The following UBXN10 variants were observed in gnomAD, a reference collection of about 807,000 sequenced individuals.
UBXN10 encodes the protein UBX domain protein 10.
Under a neutral mutation model 6.9 loss-of-function variants are expected in UBXN10, and 6 were observed. That is an observed-to-expected ratio of 0.87 (90% CI 0.48 to 1.72). The LOEUF (loss-of-function observed/expected upper bound fraction) is 1.72. Among genes scored for constraint, UBXN10 ranks in the 40% most tolerant of loss-of-function variants. The pLI is 0.01. For synonymous variants in UBXN10, 131 were observed against 135.2 expected (o/e 0.97, Z 0.21); for missense variants, 317 against 348.4 (o/e 0.91, Z 0.72).
Position 20,194,764 on chromosome 1 carries a change from T to A in UBXN10, c.*3360T>A, listed in dbSNP as rs2018573020. 6.0e-6 allele frequency: 1 copy of A among 167,146 alleles called. No individual in the cohort carries two copies. Among genetic ancestry groups the A allele is most frequent in the Non-Finnish European group, 1.5e-5 (1 of 68,128 alleles). 10.4% of individuals were successfully genotyped at this position (167,146 alleles called of 1,614,324 possible). ...CATAATAAGTTCGGATAAAAGAGACTTTTACATGGTAAGAGGATCTACTTT... is the reference window on the plus strand; with the variant it reads ...CATAATAAGTTCGGATAAAAGAGACATTTACATGGTAAGAGGATCTACTTT... On this transcript the variant is annotated 3_prime_UTR_variant, in exon 2 of 2. Transcript: ENST00000375099.
At chr1:20,185,340 T>C (rs142746331), upstream of UBXN10, among the ~76,000 whole-genome samples, 27 of 151,550 alleles carry the variant, frequency 1.8e-4, no homozygotes, top group East Asian at 4.5e-3. Context: ...GGAAGGAGAG[T>C]AGGACTCGGG....
In UBXN10 at chr1:20,193,045, C is replaced by A. The variant is rs562231584; in HGVS notation, c.*1641C>A. 6 of 167,256 alleles carry A rather than the reference C, an allele frequency of 3.6e-5. No homozygotes were observed. Among genetic ancestry groups the A allele is most frequent in the African/African-American group, 1.4e-4 (6 of 41,596 alleles). The allele number at this position is 167,256 out of a possible 1,614,324, so 10.4% of individuals were successfully genotyped here. A position where few individuals can be genotyped will look rare whatever the true frequency, so the allele number is the denominator to read the frequency against. ...AGGTCAGCTGGGGCCAGTGGTGCCT[C>A]AGGCAGGCCCACACAACTGGCCACC... On this transcript the variant is annotated 3_prime_UTR_variant, in exon 2 of 2. Transcript: ENST00000375099.
chr1:20,185,753 G>A (rs2018362612), upstream of UBXN10, among the ~76,000 whole-genome samples: 1 of 152,166 alleles, frequency 6.6e-6, no homozygotes, highest in Admixed American at 6.5e-5. Flanking sequence ...GAGGGTCAGG[G>A]CCTGACCCAA....
rs138790276 is a variant in UBXN10 at position 20,191,772 on chromosome 1, A to G, written c.*368A>G. On this transcript the variant is annotated 3_prime_UTR_variant, in exon 2 of 2. Coordinates refer to ENST00000375099, the MANE Select transcript of UBXN10 (RefSeq NM_152376.5). This position sits in a 1 kb window ranked among gnomAD's most constrained non-coding sequence, Gnocchi z 4.5. Reference sequence around the variant, plus strand: ...GTGAACTGTGATTCTCTCGAAGCCAATGCTTTCCTGTCTGTATTTGATGCA... The same window carrying G: ...GTGAACTGTGATTCTCTCGAAGCCAGTGCTTTCCTGTCTGTATTTGATGCA... The G allele has an allele frequency of 1.6e-4, 35 of 224,580 alleles. 2 individuals carry two copies. The highest frequency in any genetic ancestry group is 7.8e-4 in the African/African-American group (34 of 43,668). 13.9% of individuals were successfully genotyped at this position (224,580 alleles called of 1,614,324 possible).
At chr1:20,188,414 A>G (rs1271073191) in intron 1 of UBXN10, among the ~76,000 whole-genome samples, 1 of 152,186 alleles carries the variant, frequency 6.6e-6, no homozygotes, top group Non-Finnish European at 1.5e-5. Flanking sequence ...CATCAGGAAG[A>G]TATAGGGATA....
At position 20,191,449 on chromosome 1, in the gene UBXN10, G is replaced by A. The variant is rs1475588965; in HGVS notation, c.*45G>A. 8.3e-6 allele frequency: 13 copies of A among 1,564,436 alleles called. No individual in the cohort carries two copies. In the African/African-American group the frequency reaches 1.1e-4, roughly 13 times the overall value. ...AGGTCCTGGGTCTCTGAGCAAAGGA[G>A]CATGCTTGGGCGTTGTGGCCTCTTA... On this transcript the variant is annotated 3_prime_UTR_variant, in exon 2 of 2. Transcript: ENST00000375099. This position sits in a 1 kb window ranked among gnomAD's most constrained non-coding sequence, Gnocchi z 4.5.
rs200119494 is a variant in UBXN10, at chr1:20,191,152, A to T, written c.591A>T (p.Pro197=). 6.8e-6 allele frequency: 11 copies of T among 1,614,194 alleles called. No homozygotes were observed. The highest frequency in any genetic ancestry group is 8.5e-7 in the Non-Finnish European group (1 of 1,180,040). The change falls in exon 2 of 2, where the codon CCA becomes CCT. Residue 197 remains proline (P), a synonymous_variant. Transcript: ENST00000375099. The surrounding 1 kb of genome is among the most constrained non-coding windows in gnomAD (Gnocchi z 4.5). The part of the protein sequence containing the change: ...GNLEEPSDQE[P]RLLLAVRSPT... ...TGGAGGAACCATCGGACCAAGAACCAAGGTTGCTGCTTGCTGTTAGATCAC... is the reference window on the plus strand; with the variant it reads ...TGGAGGAACCATCGGACCAAGAACCTAGGTTGCTGCTTGCTGTTAGATCAC...
chr1:20,195,271 C>G lies in UBXN10; in HGVS notation c.*3867C>G, dbSNP rs888783527. 4.2e-5 allele frequency: 7 copies of G among 167,144 alleles called. No homozygotes were observed. The highest frequency in any genetic ancestry group is 1.7e-4 in the African/African-American group (7 of 41,444). The allele number at this position is 167,144 out of a possible 1,614,324, so 10.4% of individuals were successfully genotyped here. A position where few individuals can be genotyped will look rare whatever the true frequency, so the allele number is the denominator to read the frequency against. On this transcript the variant is annotated 3_prime_UTR_variant, in exon 2 of 2. Coordinates refer to ENST00000375099, the MANE Select transcript of UBXN10 (RefSeq NM_152376.5). ...GAGGTATTTTTGGACACACTTAAAT[C>G]CTATCCCAAGAGACTGAACGACTGT...
At chr1:20,184,688 G>GC (rs2018336243), upstream of UBXN10, 1 of 152,500 alleles carries the variant, frequency 6.6e-6, no homozygotes, top group Non-Finnish European at 1.5e-5. Context: ...GTGTAGGCAG[G>GC]CAAGTTTGCA....
At position 20,193,755 on chromosome 1, in the gene UBXN10, C is replaced by T. The variant is rs1011071841; in HGVS notation, c.*2351C>T. 1.2e-5 allele frequency: 2 copies of T among 167,190 alleles called. No individual in the cohort carries two copies. Among genetic ancestry groups the T allele is most frequent in the South Asian group, 2.1e-4 (1 of 4,826 alleles). 10.4% of individuals were successfully genotyped at this position (167,190 alleles called of 1,614,324 possible). ...TGGATAAGAGTCACCTGAATTTTTC[C>T]TAAACATCATTCCAAGTACTCTGAT... On this transcript the variant is annotated 3_prime_UTR_variant, in exon 2 of 2. Coordinates refer to ENST00000375099, the MANE Select transcript of UBXN10 (RefSeq NM_152376.5).
chr1:20,189,232 C>T (rs902535606), intron 1 of UBXN10, among the ~76,000 whole-genome samples: 1 of 151,860 alleles, frequency 6.6e-6, no homozygotes, highest in Admixed American at 6.6e-5. Flanking sequence ...TGGAAAGTCA[C>T]CAGAAGGTCT....
chr1:20,191,342 T>A lies in UBXN10; in HGVS notation c.781T>A (p.Cys261Ser). Residue 261 changes from cysteine (C) to serine (S), a missense_variant, in exon 2 of 2, where the codon TGC (cysteine) becomes AGC (serine). Coordinates refer to ENST00000375099, the MANE Select transcript of UBXN10 (RefSeq NM_152376.5). The surrounding 1 kb of genome is among the most constrained non-coding windows in gnomAD (Gnocchi z 4.5). ...TGACCTCACCAAATCTCTGCAAGAGTGCAGAATCCCCCACAAGTCTGTGCT... is the reference window on the plus strand; with the variant it reads ...TGACCTCACCAAATCTCTGCAAGAGAGCAGAATCCCCCACAAGTCTGTGCT... ...FSDLTKSLQE[C>S]RIPHKSVLGI... 1 of 1,614,014 alleles carries A rather than the reference T, an allele frequency of 6.2e-7. No homozygotes were observed. The highest frequency in any genetic ancestry group is 8.5e-7 in the Non-Finnish European group (1 of 1,179,986).
At position 20,190,624 on chromosome 1, in the gene UBXN10, A is replaced by AGTT. The variant is rs1557793575; in HGVS notation, c.65_67dup (p.Val22dup). 2 of 1,614,154 alleles carry AGTT rather than the reference A, an allele frequency of 1.2e-6. No homozygotes were observed. Among genetic ancestry groups the AGTT allele is most frequent in the Non-Finnish European group, 1.7e-6 (2 of 1,180,026 alleles). ...AGTGTAGCACTGTTGTCAGCACAGC[A>AGTT]GTTGACAGCCTCATTTGGCAGCCAA... On this transcript the variant is annotated inframe_insertion, in exon 2 of 2. Coordinates refer to ENST00000375099, the MANE Select transcript of UBXN10 (RefSeq NM_152376.5).
Position 20,191,356 on chromosome 1 carries a change from C to A in UBXN10, c.795C>A (p.His265Gln). 6.2e-7 allele frequency: 1 copy of A among 1,613,960 alleles called. No homozygotes were observed. The highest frequency in any genetic ancestry group is 1.6e-4 in the Middle Eastern group (1 of 6,062). ...TKSLQECRIP[H>Q]KSVLGISLED... The stretch of plus-strand genomic sequence containing the variant: ...CTCTGCAAGAGTGCAGAATCCCCCA[C>A]AAGTCTGTGCTGGGCATCTCACTGG... Residue 265 changes from histidine to glutamine, a missense_variant, in exon 2 of 2, where the codon CAC becomes CAA. His to Gln is a conservative substitution (Grantham distance 24). Coordinates refer to ENST00000375099, the MANE Select transcript of UBXN10 (RefSeq NM_152376.5). The surrounding 1 kb of genome is among the most constrained non-coding windows in gnomAD (Gnocchi z 4.5).
chr1:20,186,582 T>C (rs1246034284), intron 1 of UBXN10: 2 of 152,164 alleles, frequency 1.3e-5, no homozygotes, highest in Non-Finnish European at 2.9e-5. Context: ...ACGCTCTTTC[T>C]CGCCCCTCCC....
chr1:20,191,619 C>G lies in UBXN10; in HGVS notation c.*215C>G. ...CTCCCTTCCAGCTGTTCCATTCTCT[C>G]CACCACCAGCGTAACTGGCAAGTTA... On this transcript the variant is annotated 3_prime_UTR_variant, in exon 2 of 2. Coordinates refer to ENST00000375099, the MANE Select transcript of UBXN10 (RefSeq NM_152376.5). This position sits in a 1 kb window ranked among gnomAD's most constrained non-coding sequence, Gnocchi z 4.5. 1 of 628,184 alleles carries G rather than the reference C, an allele frequency of 1.6e-6. No individual in the cohort carries two copies. Among genetic ancestry groups the G allele is most frequent in the Non-Finnish European group, 2.6e-6 (1 of 384,620 alleles). 38.9% of individuals were successfully genotyped at this position (628,184 alleles called of 1,614,324 possible). A position where few individuals can be genotyped will look rare whatever the true frequency, so the allele number is the denominator to read the frequency against.
intron 1 of UBXN10, among the ~76,000 whole-genome samples, chr1:20,188,091 C>A (rs1051964027): frequency 2.0e-5 from 3 of 152,174 alleles, no homozygotes; most frequent in African/African-American, 7.2e-5. Context: ...CCTTCTCCTG[C>A]CATCCTGAGT....
chr1:20,194,462 T>G lies in UBXN10; in HGVS notation c.*3058T>G, dbSNP rs2018567336. Reference sequence around the variant, plus strand: ...GCACTCCTGCGGAAGAGATGGCTTGTGAACATGACTGTGGACCCAGAGTCA... The same window carrying G: ...GCACTCCTGCGGAAGAGATGGCTTGGGAACATGACTGTGGACCCAGAGTCA... On this transcript the variant is annotated 3_prime_UTR_variant, in exon 2 of 2. Coordinates refer to ENST00000375099, the MANE Select transcript of UBXN10 (RefSeq NM_152376.5). The G allele has an allele frequency of 6.0e-6, 1 of 167,082 alleles. No homozygotes were observed. The highest frequency in any genetic ancestry group is 1.5e-5 in the Non-Finnish European group (1 of 68,128). 10.3% of individuals were successfully genotyped at this position (167,082 alleles called of 1,614,324 possible). A position where few individuals can be genotyped will look rare whatever the true frequency, so the allele number is the denominator to read the frequency against.
At chr1:20,190,481 T>C in intron 1 of UBXN10, 66 bp from the exon 2 acceptor site, 1 of 1,511,224 alleles carries the variant, frequency 6.6e-7, no homozygotes, top group African/African-American at 1.4e-5. Context: ...AGGGAGGGAA[T>C]GGCTTGGATC....
Sources: gnomAD v4.1 joint callset for allele counts (sites outside exome capture counted in the v4.1 genomes callset) on GRCh38, gnomAD v4.1.1 for gene constraint, Gnocchi (gnomAD v3.1) non-coding constraint, MANE v1.5 for transcripts, NCBI Gene and HGNC (gene_info 2026-07-23, HGNC 2026-07-21) for gene names.